HTR4: variants seen among roughly 807,000 people sequenced by gnomAD.
HTR4 encodes 5-hydroxytryptamine receptor 4, also known as 5-hydroxytryptamine (serotonin) receptor 4, G protein-coupled.
A neutral mutation model predicts 36.8 loss-of-function variants in HTR4; 16 were observed. The ratio of observed to expected loss-of-function variants is 0.43; its 90% CI spans 0.29 to 0.66. The LOEUF (loss-of-function observed/expected upper bound fraction) is 0.66. Ranked by LOEUF, HTR4 falls within the 30% of genes least tolerant of loss-of-function variation. The pLI is 0.13. For synonymous variants in HTR4, 189 were observed against 185.1 expected, an observed-to-expected ratio of 1.02 and a Z score of -0.17; for missense variants, 438 against 490.9, an observed-to-expected ratio of 0.89 and a Z score of 1.02.
chr5:148,481,849 T>C lies in HTR4; in HGVS notation c.*1354A>G. 2.3e-6 allele frequency: 3 copies of C among 1,289,724 alleles called. No individual in the cohort carries two copies. The highest frequency in any genetic ancestry group is 2.9e-6 in the Non-Finnish European group (3 of 1,023,318). The allele number at this position is 1,289,724 out of a possible 1,614,324, so 79.9% of individuals were successfully genotyped here. ...TTTGAATAAAAGACATCCAGATTAATCTGAAGGACAAAGCTGGAAAGGTCA... is the reference window on the plus strand; with the variant it reads ...TTTGAATAAAAGACATCCAGATTAACCTGAAGGACAAAGCTGGAAAGGTCA... On this transcript the variant is annotated 3_prime_UTR_variant, in exon 7 of 7. Coordinates refer to ENST00000377888, the MANE Select transcript of HTR4 (RefSeq NM_000870.7).
chr5:148,561,007 G>A (rs947895901), intron 2 of HTR4, among the ~76,000 whole-genome samples: 2 of 152,098 alleles, frequency 1.3e-5, no homozygotes, highest in African/African-American at 2.4e-5. Context: ...CTTGTAGGAT[G>A]GAAATTATAT....
downstream of HTR4, among the ~76,000 whole-genome samples, chr5:148,478,238 T>C (rs929736947): frequency 2.6e-5 from 4 of 152,186 alleles, no homozygotes; most frequent in African/African-American, 7.2e-5. Context: ...GCTAAATCAA[T>C]ACTAGTCTCT....
chr5:148,500,296 GA>G (rs2113752307), intron 6 of HTR4, among the ~76,000 whole-genome samples: 1 of 152,142 alleles, frequency 6.6e-6, no homozygotes, highest in East Asian at 1.9e-4. Context: ...TATAGATGGT[GA>G]ATGTATAAAG....
Position 148,451,417 on chromosome 5 carries a change from T to A in HTR4, c.1077-145A>T, listed in dbSNP as rs112975240. The stretch of plus-strand genomic sequence containing the variant: ...AGTGGGAGTGGGGATGGGGTGATAC[T>A]TCATAGAGATAGAAAACCAAATGAA... On this transcript the variant is annotated intron_variant, in intron 5 of 5. Transcript: ENST00000521530. 1,507 of 1,400,228 alleles carry A rather than the reference T, an allele frequency of 1.1e-3. 2 individuals carry two copies. The highest frequency in any genetic ancestry group is 1.4e-3 in the Non-Finnish European group (1,448 of 1,038,056). The allele number at this position is 1,400,228 out of a possible 1,614,324, so 86.7% of individuals were successfully genotyped here.
intron 2 of HTR4, among the ~76,000 whole-genome samples, chr5:148,615,708 G>GAAATAAAATAAAATAAAATA (rs71001495): frequency 1.4e-5 from 2 of 145,528 alleles, no homozygotes; most frequent in East Asian, 2.0e-4. Flanking sequence ...AAGAAAGAAA[G>GAAATAAAATAAAATAAAATA]AAATAAAATA....
chr5:148,595,699 G>T (rs1473822714), intron 2 of HTR4, among the ~76,000 whole-genome samples: 1 of 152,048 alleles, frequency 6.6e-6, no homozygotes, highest in African/African-American at 2.4e-5. Context: ...TAAGCAATTT[G>T]TATTGATTCC....
chr5:148,515,582 G>A (rs1233970387), intron 5 of HTR4, among the ~76,000 whole-genome samples: 1 of 152,084 alleles, frequency 6.6e-6, no homozygotes, highest in Non-Finnish European at 1.5e-5. Flanking sequence ...AATGTTTAAA[G>A]CATATTTTCA....
downstream of HTR4, chr5:148,476,704 T>C (rs747131779): frequency 7.5e-6 from 12 of 1,604,354 alleles, no homozygotes; most frequent in East Asian, 6.7e-5. Flanking sequence ...GAAAAAAAAA[T>C]GAGCAATAAG....
chr5:148,487,031 T>A (rs932419362), intron 6 of HTR4, among the ~76,000 whole-genome samples: 1 of 152,296 alleles, frequency 6.6e-6, no homozygotes, highest in East Asian at 1.9e-4. Context: ...AACGGATGAG[T>A]TTTTAAAATG....
chr5:148,631,265 G>A (rs2127300538), intron 2 of HTR4, among the ~76,000 whole-genome samples: 1 of 152,236 alleles, frequency 6.6e-6, no homozygotes, highest in Non-Finnish European at 1.5e-5. Context: ...GTGAAGTTGA[G>A]TATTATTCTC....
chr5:148,541,950 C>T (rs1759136442), intron 4 of HTR4, among the ~76,000 whole-genome samples: 2 of 152,080 alleles, frequency 1.3e-5, no homozygotes, highest in African/African-American at 4.8e-5. Flanking sequence ...TTAGCAGACT[C>T]CAATAGCTTT....
intron 2 of HTR4, among the ~76,000 whole-genome samples, chr5:148,588,098 G>A (rs1049077063): frequency 6.6e-6 from 1 of 152,082 alleles, no homozygotes; most frequent in Non-Finnish European, 1.5e-5. Context: ...AAACACCAAG[G>A]CTCGTAAGAT....
chr5:148,485,947 G>T lies in HTR4; in HGVS notation c.1077-2654C>A, dbSNP rs191133152. 7.0e-4 allele frequency among the ~76,000 whole-genome samples: 107 copies of T among 152,272 alleles called. No individual in the cohort carries two copies. In the Middle Eastern group the frequency reaches 0.01, roughly 15 times the overall value. On this transcript the variant is annotated intron_variant, in intron 6 of 6. Transcript: ENST00000377888. ...TCCCTCTCTATCTATCTTTGACATT[G>T]GCAAACTCAGCTTCAATATATTGGC... is the stretch of plus-strand genomic sequence containing the variant.
intron 2 of HTR4, among the ~76,000 whole-genome samples, chr5:148,616,554 T>C (rs896249021): frequency 6.6e-6 from 1 of 152,196 alleles, no homozygotes; most frequent in Non-Finnish European, 1.5e-5. Context: ...TGTGATAATA[T>C]AATATTATTG....
intron 6 of HTR4, among the ~76,000 whole-genome samples, chr5:148,500,246 T>C (rs1360849807): frequency 6.6e-6 from 1 of 152,102 alleles, no homozygotes; most frequent in Non-Finnish European, 1.5e-5. Context: ...GAGATATTGA[T>C]CAAAGAGTGA....
At chr5:148,648,415 T>C (rs1753936818) in intron 1 of HTR4, among the ~76,000 whole-genome samples, 1 of 152,140 alleles carries the variant, frequency 6.6e-6, no homozygotes, top group African/African-American at 2.4e-5. Flanking sequence ...AGCCAGGATG[T>C]GCCCACTGAA....
At chr5:148,606,945 T>C (rs1191659980) in intron 2 of HTR4, among the ~76,000 whole-genome samples, 2 of 152,234 alleles carry the variant, frequency 1.3e-5, no homozygotes, top group Non-Finnish European at 2.9e-5. Flanking sequence ...AAGGTTTAAT[T>C]GGTAATTGTT....
At chr5:148,505,324 C>T (rs1425047625) in intron 6 of HTR4, among the ~76,000 whole-genome samples, 4 of 152,074 alleles carry the variant, frequency 2.6e-5, no homozygotes, top group Non-Finnish European at 5.9e-5. Flanking sequence ...ATTCAACAGC[C>T]CTTCATGGTA....
intron 2 of HTR4, among the ~76,000 whole-genome samples, chr5:148,580,472 A>G (rs1561631853): frequency 6.6e-6 from 1 of 152,028 alleles, no homozygotes; most frequent in Non-Finnish European, 1.5e-5. Flanking sequence ...AACTGCAGGC[A>G]CTATTTTGTA....
Sources: gnomAD v4.1 joint callset for allele counts (sites outside exome capture counted in the v4.1 genomes callset) on GRCh38, gnomAD v4.1.1 for gene constraint, MANE v1.5 for transcripts, NCBI Gene and HGNC (gene_info 2026-07-23, HGNC 2026-07-21) for gene names.